The following KTN1 variants were observed in gnomAD, a reference collection of about 807,000 sequenced individuals.
The protein encoded by KTN1 is kinectin.
KTN1 carries 130 observed loss-of-function variants against 222.5 expected under a neutral mutation model. The observed-to-expected ratio is 0.58, with a 90% CI of 0.51 to 0.68. The LOEUF is 0.68. Ranked by LOEUF, KTN1 falls within the 30% of genes least tolerant of loss-of-function variation. KTN1 has a pLI of 0.00. For missense variants in KTN1, 1,508 were observed against 1,500.4 expected (o/e 1.01, Z -0.08); for synonymous variants, 512 against 496.3 (o/e 1.03, Z -0.42).
intron 1 of KTN1, among the ~76,000 whole-genome samples, chr14:55,580,845 C>A (rs80109408): frequency 6.6e-6 from 1 of 152,146 alleles, no homozygotes; most frequent in South Asian, 2.1e-4. Flanking sequence ...GCCACACTTA[C>A]GCCATGCTGG....
At chr14:55,615,484 T>A (rs554097768) in intron 2 of KTN1, among the ~76,000 whole-genome samples, 1 of 152,214 alleles carries the variant, frequency 6.6e-6, no homozygotes, top group Admixed American at 6.5e-5. Flanking sequence ...GATATTTATC[T>A]TTTTGTCACT....
At position 55,648,828 on chromosome 14, in the gene KTN1, G is replaced by A; in HGVS notation, c.2325G>A (p.Leu775=). Residue 775 remains leucine, a synonymous_variant, in exon 21 of 44, where the codon CTG becomes CTA. Transcript: ENST00000395314. ...LNAIRTENSS[L]TKEVQDLKAK... is the part of the protein sequence containing the mutation. ...CAATAAGAACAGAAAATTCATCTCT[G>A]ACAAAAGAAGTTCAAGACTTAAAAG... The A allele has an allele frequency of 1.2e-6, 2 of 1,605,704 alleles. No individual in the cohort carries two copies. Among genetic ancestry groups the A allele is most frequent in the Non-Finnish European group, 1.7e-6 (2 of 1,173,540 alleles).
intron 2 of KTN1, among the ~76,000 whole-genome samples, chr14:55,616,207 C>G (rs2038370799): frequency 6.6e-6 from 1 of 152,104 alleles, no homozygotes; most frequent in Admixed American, 6.6e-5. Context: ...GCCTCAGCCT[C>G]CCAAAGTGCT....
At chr14:55,658,471 T>C in intron 29 of KTN1, 75 bp from the exon 30 acceptor site, 1 of 872,896 alleles carries the variant, frequency 1.1e-6, no homozygotes, top group Non-Finnish European at 1.9e-6. Context: ...GTATGATCTG[T>C]TTCTAGCTTG....
At chr14:55,628,564 T>C (rs2140887647) in intron 6 of KTN1, among the ~76,000 whole-genome samples, 1 of 152,276 alleles carries the variant, frequency 6.6e-6, no homozygotes, top group South Asian at 2.1e-4. Flanking sequence ...GAAAATATGG[T>C]TTAATTATTC....
In KTN1 at chr14:55,584,620, C is replaced by G. The variant is rs149299443; in HGVS notation, c.-31+4266C>G. On this transcript the variant is annotated intron_variant, in intron 1 of 43. Transcript: ENST00000395314. ...AAACTGCACTCCCCTACGTCTGATT[C>G]TTGTACCTTGCTCCGTTTTCTTTAT... 1.7e-3 allele frequency among the ~76,000 whole-genome samples: 257 copies of G among 152,290 alleles called. 2 individuals are homozygous for G. Among genetic ancestry groups the G allele is most frequent in the African/African-American group, 5.9e-3 (244 of 41,576 alleles).
At chr14:55,637,024 A>G (rs1349225461) in intron 10 of KTN1, among the ~76,000 whole-genome samples, 174 bp from the exon 11 acceptor site, 1 of 152,008 alleles carries the variant, frequency 6.6e-6, no homozygotes, top group South Asian at 2.1e-4. Context: ...TTATTTCTCT[A>G]CTACTCCCTT....
At chr14:55,655,072 A>G (rs992102023) in intron 28 of KTN1, among the ~76,000 whole-genome samples, 2 of 151,960 alleles carry the variant, frequency 1.3e-5, no homozygotes, top group African/African-American at 2.4e-5. Context: ...CACTGCAGCC[A>G]GGACATCCTG....
intron 7 of KTN1, among the ~76,000 whole-genome samples, chr14:55,631,198 T>G (rs1186160194): frequency 6.6e-6 from 1 of 151,816 alleles, no homozygotes; most frequent in African/African-American, 2.4e-5. Flanking sequence ...TTGGTGGTCA[T>G]GTAATACCTT....
chr14:55,653,038 T>G lies in KTN1; in HGVS notation c.2716T>G (p.Ser906Ala). ...WLQDLQEENE[S>A]LKAHVQEVAQ... is the part of the protein sequence containing the mutation. ...TAAGGATCTTCAAGAAGAAAATGAA[T>G]CTTTAAAAGCACATGTTCAGGAAGT... Residue 906 changes from serine to alanine, a missense_variant, in exon 27 of 44, where the codon TCT (serine) becomes GCT (alanine). Coordinates refer to ENST00000395314, the MANE Select transcript of KTN1 (RefSeq NM_001079521.2). The G allele has an allele frequency of 6.2e-7, 1 of 1,605,102 alleles. No individual in the cohort carries two copies. The highest frequency in any genetic ancestry group is 8.5e-7 in the Non-Finnish European group (1 of 1,172,298).
rs751650563 is a variant in KTN1 at position 55,640,339 on chromosome 14, TTAAG to T, written c.1915-32_1915-29del. The T allele has an allele frequency of 2.2e-5, 29 of 1,313,484 alleles. No homozygotes were observed. The African/African-American group carries it at 4.1e-4, about 19-fold the overall frequency. The allele number at this position is 1,313,484 out of a possible 1,614,324, so 81.4% of individuals were successfully genotyped here. ...TTTACAAACTTTAAAATCAGTTGTA[TTAAG>T]TATTTTAAATGCTATTTTTCCTTGT... On this transcript the variant is annotated intron_variant, in intron 14 of 43. Transcript: ENST00000395314.
At chr14:55,656,875 C>CT (rs1356416900) in intron 29 of KTN1, among the ~76,000 whole-genome samples, 1 of 152,168 alleles carries the variant, frequency 6.6e-6, no homozygotes, top group Non-Finnish European at 1.5e-5. Flanking sequence ...GTTTTGAATA[C>CT]TTTTACTAGT....
intron 41 of KTN1, 67 bp downstream of exon 41, chr14:55,675,985 C>T (rs1177328676): frequency 1.0e-6 from 1 of 995,990 alleles, no homozygotes; most frequent in Non-Finnish European, 1.5e-6. Flanking sequence ...CTTAAGCAAA[C>T]TTATGCTGCT....
chr14:55,664,324 G>A (rs920261991), intron 33 of KTN1, among the ~76,000 whole-genome samples: 1 of 152,046 alleles, frequency 6.6e-6, no homozygotes, highest in African/African-American at 2.4e-5. Context: ...GACAATATGC[G>A]CCTTTTGGGT....
chr14:55,589,656 CTTTTTTT>C (rs765755065), intron 1 of KTN1, among the ~76,000 whole-genome samples: 23 of 102,094 alleles, frequency 2.3e-4, no homozygotes, highest in South Asian at 7.7e-4. Flanking sequence ...CATCTGATTT[CTTTTTTT>C]TTTTTTTTTT....
Position 55,612,115 on chromosome 14 carries a change from C to G in KTN1, c.67C>G (p.Leu23Val). ...IPSIVITVIFLFFWLFMKETL... is the reference protein window; with the variant it reads ...IPSIVITVIFVFFWLFMKETL... Reference sequence around the variant, plus strand: ...TTCAATAGTTATTACAGTAATTTTCCTCTTCTTCTGGCTTTTCATGAAAGA... The same window carrying G: ...TTCAATAGTTATTACAGTAATTTTCGTCTTCTTCTGGCTTTTCATGAAAGA... Residue 23 changes from leucine to valine, a missense_variant, in exon 2 of 44, where the codon CTC (leucine) becomes GTC (valine). Physicochemically the swap from Leu to Val is conservative, Grantham distance 32 (BLOSUM62 1). Coordinates refer to ENST00000395314, the MANE Select transcript of KTN1 (RefSeq NM_001079521.2). 1 of 1,554,192 alleles carries G rather than the reference C, an allele frequency of 6.4e-7. No homozygotes were observed.
intron 5 of KTN1, among the ~76,000 whole-genome samples, chr14:55,626,170 C>G (rs1049859203): frequency 4.0e-5 from 6 of 151,836 alleles, no homozygotes; most frequent in Admixed American, 3.3e-4. Flanking sequence ...CATATGGGCT[C>G]TCCACTGCCT....
chr14:55,646,927 T>G, intron 18 of KTN1, 46 bp from the exon 19 acceptor site: 2 of 1,217,220 alleles, frequency 1.6e-6, no homozygotes, highest in Non-Finnish European at 2.4e-6. Context: ...TTTTACTTCA[T>G]GCAAATTTGG....
At chr14:55,592,786 G>C (rs1171857726) in intron 1 of KTN1, among the ~76,000 whole-genome samples, 1 of 152,072 alleles carries the variant, frequency 6.6e-6, no homozygotes, top group Admixed American at 6.6e-5. Context: ...CTTTGTGCTT[G>C]GTATTTTGAA....
Sources: gnomAD v4.1 joint callset for allele counts (sites outside exome capture counted in the v4.1 genomes callset) on GRCh38, gnomAD v4.1.1 for gene constraint, MANE v1.5 for transcripts, NCBI Gene and HGNC (gene_info 2026-07-23, HGNC 2026-07-21) for gene names.